Variants in ROBO1 observed in about 807,000 individuals in gnomAD.
ROBO1 encodes roundabout guidance receptor 1.
A neutral mutation model predicts 195.9 loss-of-function variants in ROBO1; 149 were observed. That is an observed-to-expected ratio of 0.76 (90% CI 0.67 to 0.87). The LOEUF is 0.87. Ranked by LOEUF, ROBO1 falls within the 40% of genes least tolerant of loss-of-function variation. The probability of loss-of-function intolerance (pLI) is 0.00; values close to 1 mark genes in which losing one functional copy is unlikely to be tolerated. For missense variants in ROBO1, 1,933 were observed against 2,068.3 expected (o/e 0.93, Z 1.27); for synonymous variants, 816 against 733.2 (o/e 1.11, Z -1.82).
At chr3:78,700,138 C>T (rs1054617325) in intron 8 of ROBO1, among the ~76,000 whole-genome samples, 1 of 152,096 alleles carries the variant, frequency 6.6e-6, no homozygotes, top group Non-Finnish European at 1.5e-5. Flanking sequence ...TTTTAAATAT[C>T]GGTTGAAAGG....
intron 2 of ROBO1, among the ~76,000 whole-genome samples, chr3:79,440,234 T>C (rs1312270600): frequency 6.6e-6 from 1 of 152,116 alleles, no homozygotes; most frequent in African/African-American, 2.4e-5. Flanking sequence ...GTTTATTATA[T>C]GTCATGAAAG....
intron 8 of ROBO1, among the ~76,000 whole-genome samples, chr3:78,711,217 C>G (rs138189839): frequency 1.2e-3 from 187 of 152,064 alleles, no homozygotes; most frequent in African/African-American, 4.2e-3. Flanking sequence ...ATTAAAACCA[C>G]CAGAAGCTGC....
intron 4 of ROBO1, among the ~76,000 whole-genome samples, chr3:78,849,073 A>G (rs1336306555): frequency 3.3e-5 from 5 of 152,110 alleles, no homozygotes; most frequent in Non-Finnish European, 7.4e-5. Flanking sequence ...ATGGGATTGA[A>G]GTTGAGCAAA....
At chr3:78,714,549 C>A (rs762083198) in intron 7 of ROBO1, 25 bp from the exon 8 acceptor site, 1 of 1,597,152 alleles carries the variant, frequency 6.3e-7, no homozygotes, top group Non-Finnish European at 8.5e-7. Flanking sequence ...AAAGAAAGCA[C>A]AGTTAAGTGA....
At chr3:79,313,276 TA>T (rs1375469495) in intron 2 of ROBO1, among the ~76,000 whole-genome samples, 1 of 152,012 alleles carries the variant, frequency 6.6e-6, no homozygotes, top group African/African-American at 2.4e-5. Flanking sequence ...AGAGATTTAA[TA>T]ATATTGGCAG....
chr3:79,404,823 T>C (rs1460752065), intron 2 of ROBO1, among the ~76,000 whole-genome samples: 1 of 152,236 alleles, frequency 6.6e-6, no homozygotes, highest in Non-Finnish European at 1.5e-5. Flanking sequence ...TTTAAAAATA[T>C]TTAGTAAATA....
intron 2 of ROBO1, among the ~76,000 whole-genome samples, chr3:79,309,542 G>A (rs1333760932): frequency 6.6e-6 from 1 of 152,068 alleles, no homozygotes; most frequent in Non-Finnish European, 1.5e-5. Flanking sequence ...GAAGGTTGAG[G>A]CTACAGTAAG....
intron 3 of ROBO1, among the ~76,000 whole-genome samples, chr3:79,104,447 A>C (rs2108516894): frequency 6.6e-6 from 1 of 151,940 alleles, no homozygotes; most frequent in East Asian, 1.9e-4. Context: ...ATATTACTAC[A>C]GTAAAATAGA....
At chr3:79,040,363 T>A (rs188257974) in intron 3 of ROBO1, among the ~76,000 whole-genome samples, 37 of 152,310 alleles carry the variant, frequency 2.4e-4, no homozygotes, top group African/African-American at 8.4e-4. Flanking sequence ...AAGTCTATTA[T>A]CACAAAAGTT....
intron 2 of ROBO1, among the ~76,000 whole-genome samples, chr3:79,393,738 G>C (rs1378588846): frequency 1.3e-5 from 2 of 152,126 alleles, no homozygotes; most frequent in Non-Finnish European, 2.9e-5. Context: ...TTATTATAAA[G>C]AGCATGTCTT....
intron 3 of ROBO1, among the ~76,000 whole-genome samples, chr3:78,950,247 A>C (rs1479757463): frequency 6.6e-6 from 1 of 152,050 alleles, no homozygotes; most frequent in African/African-American, 2.4e-5. Flanking sequence ...AATAGCAAAG[A>C]CTTGGAACCA....
chr3:78,850,734 T>C (rs2034000934), intron 4 of ROBO1, among the ~76,000 whole-genome samples: 1 of 152,150 alleles, frequency 6.6e-6, no homozygotes, highest in South Asian at 2.1e-4. Context: ...ATGCTGCTTC[T>C]TGGATTGGGG....
chr3:78,856,394 A>G (rs1341431168), intron 4 of ROBO1, among the ~76,000 whole-genome samples: 1 of 151,974 alleles, frequency 6.6e-6, no homozygotes, highest in Non-Finnish European at 1.5e-5. Flanking sequence ...TATAGACGCT[A>G]TCTGAAGCCA....
chr3:79,637,716 CAT>C (rs1165358935), intron 1 of ROBO1, among the ~76,000 whole-genome samples: 1 of 152,020 alleles, frequency 6.6e-6, no homozygotes, highest in Non-Finnish European at 1.5e-5. Flanking sequence ...TGGTTTAACA[CAT>C]AACACAATGC....
chr3:79,204,566 G>T (rs189136865), intron 2 of ROBO1, among the ~76,000 whole-genome samples: 1 of 152,130 alleles, frequency 6.6e-6, no homozygotes, highest in Non-Finnish European at 1.5e-5. Flanking sequence ...ATGCTTTGTA[G>T]TGGGTTGTGG....
intron 1 of ROBO1, among the ~76,000 whole-genome samples, chr3:79,593,161 G>A (rs1482200075): frequency 6.6e-6 from 1 of 151,940 alleles, no homozygotes; most frequent in Non-Finnish European, 1.5e-5. Flanking sequence ...TTTACTTATA[G>A]AAGGACATCT....
At chr3:79,419,721 C>T (rs1276594254) in intron 2 of ROBO1, among the ~76,000 whole-genome samples, 2 of 152,116 alleles carry the variant, frequency 1.3e-5, no homozygotes, top group African/African-American at 4.8e-5. Context: ...ATAGGAGTCT[C>T]ATTAACAAAC....
intron 1 of ROBO1, among the ~76,000 whole-genome samples, chr3:79,713,106 T>A (rs1475130225): frequency 6.6e-6 from 1 of 150,736 alleles, no homozygotes; most frequent in Non-Finnish European, 1.5e-5. Context: ...AAGACCACTG[T>A]TGAGACTTAT....
At chr3:78,966,333 A>G (rs1157002367) in intron 3 of ROBO1, among the ~76,000 whole-genome samples, 1 of 152,268 alleles carries the variant, frequency 6.6e-6, no homozygotes, top group African/African-American at 2.4e-5. Flanking sequence ...GGAAATCCCA[A>G]TCTGTAGCAA....
Sources: gnomAD v4.1 joint callset for allele counts (sites outside exome capture counted in the v4.1 genomes callset) on GRCh38, gnomAD v4.1.1 for gene constraint, MANE v1.5 for transcripts, NCBI Gene and HGNC (gene_info 2026-07-23, HGNC 2026-07-21) for gene names.